AKAP9: variants seen among roughly 807,000 people sequenced by gnomAD.
The protein encoded by AKAP9 is A-kinase anchoring protein 9, also known as A-kinase anchor protein 9.
A neutral mutation model predicts 488.5 loss-of-function variants in AKAP9; 311 were observed. The ratio of observed to expected loss-of-function variants is 0.64; its 90% confidence interval spans 0.58 to 0.70. AKAP9 has a LOEUF of 0.70. AKAP9 is among the 30% of genes least tolerant of loss of function. AKAP9 has a pLI of 0.00. For missense variants in AKAP9, 4,215 were observed against 4,374.5 expected (o/e 0.96, Z 1.03); for synonymous variants, 1,462 against 1,483.5 (o/e 0.99, Z 0.33).
intron 16 of AKAP9, among the ~76,000 whole-genome samples, chr7:92,034,644 G>T (rs1306338703): frequency 6.7e-6 from 1 of 150,242 alleles, no homozygotes; most frequent in African/African-American, 2.4e-5. Context: ...GGGATTGCAG[G>T]CACGCACCAC....
intron 20 of AKAP9, 35 bp downstream of exon 20, chr7:92,042,806 A>T: frequency 7.3e-7 from 1 of 1,370,576 alleles, no homozygotes; most frequent in Admixed American, 1.7e-5. Flanking sequence ...GTGCAAAGTA[A>T]ATTAAAATGG....
intron 26 of AKAP9, among the ~76,000 whole-genome samples, chr7:92,068,687 A>G (rs1161988219): frequency 6.6e-6 from 1 of 151,542 alleles, no homozygotes; most frequent in African/African-American, 2.4e-5. Flanking sequence ...TCAACTTATT[A>G]TTATTAAAGT....
Position 92,004,964 on chromosome 7 carries a change from T to C in AKAP9, c.3318+1729T>C, listed in dbSNP as rs922756916. 2.0e-5 allele frequency among the ~76,000 whole-genome samples: 3 copies of C among 152,228 alleles called. No individual in the cohort carries two copies. The South Asian group carries it at 6.2e-4, about 32-fold the overall frequency. On this transcript the variant is annotated intron_variant, in intron 8 of 49. Coordinates refer to ENST00000356239, the MANE Select transcript of AKAP9 (RefSeq NM_005751.5). ...ATATTGGCTGTGGGTTTGTCATAAA[T>C]AGCTCTTACTATTTTGAGATATGCC...
chr7:92,007,543 A>G (rs931742725), intron 8 of AKAP9, among the ~76,000 whole-genome samples: 4 of 152,240 alleles, frequency 2.6e-5, no homozygotes, highest in African/African-American at 9.6e-5. Flanking sequence ...AAATAAAATT[A>G]TAACACTTTA....
rs200711005 is a variant in AKAP9 at position 92,097,180 on chromosome 7, G to A, written c.10221G>A (p.Glu3407=). ...CTGAGGGACAGAAAAAAATGCATGAGCTCCAGTCCAAAGTGGAAGATCTTC... is the reference window on the plus strand; with the variant it reads ...CTGAGGGACAGAAAAAAATGCATGAACTCCAGTCCAAAGTGGAAGATCTTC... ...ANTEGQKKMH[E]LQSKVEDLQR... The change falls in exon 41 of 50, where the codon GAG becomes GAA. Residue 3407 remains glutamate (E), a synonymous_variant. Transcript: ENST00000356239. 1.8e-4 allele frequency: 291 copies of A among 1,613,790 alleles called. 1 individual carries two copies. Among genetic ancestry groups the A allele is most frequent in the South Asian group, 5.6e-4 (51 of 90,986 alleles).
intron 22 of AKAP9, chr7:92,057,893 A>AT (rs959661085): frequency 3.3e-4 from 75 of 226,942 alleles, no homozygotes; most frequent in African/African-American, 8.6e-4. Context: ...TTGTTTTTTG[A>AT]TTTTTTTTGG....
chr7:92,076,745 C>T, intron 28 of AKAP9, 110 bp from the exon 29 acceptor site: 1 of 628,570 alleles, frequency 1.6e-6, no homozygotes, highest in East Asian at 3.1e-5. Context: ...ATTCTTATGA[C>T]TCATGTTTTA....
At chr7:92,007,636 C>G (rs1269603561) in intron 8 of AKAP9, among the ~76,000 whole-genome samples, 1 of 152,218 alleles carries the variant, frequency 6.6e-6, no homozygotes, top group Non-Finnish European at 1.5e-5. Flanking sequence ...CAGGTTATCT[C>G]TAGATTAATC....
At position 91,971,338 on chromosome 7, in the gene AKAP9, T is replaced by C. The variant is rs181403775; in HGVS notation, c.49-2373T>C. ...TTCTTTTTGATTTATAAAAAACTTT[T>C]AATCTTTGTTAAATTTTTCTAATAC... On this transcript the variant is annotated intron_variant, in intron 1 of 49. Transcript: ENST00000356239. Among the ~76,000 whole-genome samples, 54 of 152,254 alleles carry C rather than the reference T, an allele frequency of 3.5e-4. No individual in the cohort carries two copies. The Middle Eastern group carries it at 0.01, about 29-fold the overall frequency.
intron 25 of AKAP9, among the ~76,000 whole-genome samples, chr7:92,065,925 A>G (rs1250739289): frequency 6.6e-6 from 1 of 151,236 alleles, no homozygotes; most frequent in African/African-American, 2.4e-5. Context: ...CTAATTTCAC[A>G]TTTTTTTTTC....
chr7:92,104,592 G>C (rs180933028), intron 46 of AKAP9, among the ~76,000 whole-genome samples: 1 of 152,124 alleles, frequency 6.6e-6, no homozygotes, highest in African/African-American at 2.4e-5. Context: ...GGCAGGGAGC[G>C]GTTACAAAGC....
At chr7:92,055,114 A>G (rs1808561784) in intron 22 of AKAP9, among the ~76,000 whole-genome samples, 1 of 152,088 alleles carries the variant, frequency 6.6e-6, no homozygotes, top group South Asian at 2.1e-4. Flanking sequence ...GAATAAATTA[A>G]TGAATATGTA....
chr7:92,079,531 A>G lies in AKAP9; in HGVS notation c.7398A>G (p.Glu2466=). ...DHLSKDKPEL[E]VVLTEDALKS... is the part of the protein sequence containing the mutation. The stretch of plus-strand genomic sequence containing the variant: ...TGAGCAAAGACAAACCTGAACTAGA[A>G]GTAGTCCTTACAGAGGATGCTCTTA... The change falls in exon 31 of 50, where the codon GAA becomes GAG. Residue 2466 remains glutamate (E), a synonymous_variant. Transcript: ENST00000356239. 2 of 1,613,872 alleles carry G rather than the reference A, an allele frequency of 1.2e-6. No homozygotes were observed. Among genetic ancestry groups the G allele is most frequent in the Non-Finnish European group, 1.7e-6 (2 of 1,179,998 alleles).
intron 2 of AKAP9, among the ~76,000 whole-genome samples, chr7:91,977,137 G>C (rs894527594): frequency 6.6e-5 from 10 of 152,172 alleles, no homozygotes; most frequent in Non-Finnish European, 1.5e-4. Flanking sequence ...GTGCACACCT[G>C]TGGTCCCAGC....
Position 92,070,086 on chromosome 7 carries a change from G to T in AKAP9, c.6387G>T (p.Leu2129Phe). The T allele has an allele frequency of 1.2e-6, 2 of 1,613,832 alleles. No homozygotes were observed. The highest frequency in any genetic ancestry group is 1.7e-6 in the Non-Finnish European group (2 of 1,179,946). The change falls in exon 27 of 50, where the codon TTG (leucine) becomes TTT (phenylalanine). Residue 2129 changes from leucine to phenylalanine, a missense_variant. By Grantham distance (22) the Leu-to-Phe change is conservative (BLOSUM62 0). This residue lies in a region of AKAP9 where 2,361 missense variants were observed against 2,430.0 expected (regional missense o/e 0.97). Transcript: ENST00000356239. ...KEKTDKCSEL[L>F]LSKEQLQRDI... Reference sequence around the variant, plus strand: ...AAACAGACAAATGCAGTGAGCTTTTGCTCTCTAAAGAGCAGCTTCAAAGGG... The same window carrying T: ...AAACAGACAAATGCAGTGAGCTTTTTCTCTCTAAAGAGCAGCTTCAAAGGG...
chr7:92,031,378 ATT>A, intron 15 of AKAP9, 132 bp from the exon 16 acceptor site: 2 of 632,916 alleles, frequency 3.2e-6, no homozygotes, highest in Non-Finnish European at 5.5e-6. Flanking sequence ...GAGAATTAAA[ATT>A]TATTTTTTGC....
chr7:91,995,538 A>C, intron 6 of AKAP9, 65 bp from the exon 7 acceptor site: 1 of 1,419,588 alleles, frequency 7.0e-7, no homozygotes. Flanking sequence ...GACACCCCAA[A>C]GGTGTCTGTT....
chr7:92,012,402 A>G, intron 8 of AKAP9, 27 bp from the exon 9 acceptor site: 1 of 1,566,492 alleles, frequency 6.4e-7, no homozygotes, highest in Non-Finnish European at 8.8e-7. Flanking sequence ...TAAGAATATT[A>G]TAATGTTTAC....
chr7:92,029,799 T>C, intron 14 of AKAP9, 96 bp from the exon 15 acceptor site: 1 of 983,302 alleles, frequency 1.0e-6, no homozygotes, highest in Admixed American at 1.7e-5. Context: ...TTGTCTCCCA[T>C]GCCCCAGTAC....
Sources: gnomAD v4.1 joint callset for allele counts (sites outside exome capture counted in the v4.1 genomes callset) on GRCh38, gnomAD v4.1.1 for gene constraint, gnomAD v4.1.1 regional missense constraint, MANE v1.5 for transcripts, NCBI Gene and HGNC (gene_info 2026-07-23, HGNC 2026-07-21) for gene names.